The following MTSS1 variants were observed in gnomAD, a reference collection of about 807,000 sequenced individuals.
MTSS1 encodes MTSS I-BAR domain containing 1.
In MTSS1, 18 loss-of-function variants were observed where a neutral mutation model predicts 79.0. The observed-to-expected ratio is 0.23, with a 90% CI of 0.16 to 0.34. The LOEUF is 0.34. MTSS1 is among the 10% of genes least tolerant of loss of function. The pLI is 1.00. For synonymous variants in MTSS1, 341 were observed against 368.6 expected, an observed-to-expected ratio of 0.93 and a Z score of 0.86; for missense variants, 815 against 986.2, an observed-to-expected ratio of 0.83 and a Z score of 2.33.
rs1563809303 is a variant in MTSS1, at chr8:124,589,730, G to A, written c.294-19C>T. 2.0e-6 allele frequency: 3 copies of A among 1,489,158 alleles called. No individual in the cohort carries two copies. Among genetic ancestry groups the A allele is most frequent in the Admixed American group, 1.8e-5 (1 of 55,890 alleles). 92.2% of individuals were successfully genotyped at this position (1,489,158 alleles called of 1,614,324 possible). On this transcript the variant is annotated intron_variant, in intron 4 of 13. Transcript: ENST00000518547. The stretch of plus-strand genomic sequence containing the variant: ...TAAAGCGCTTTTACCAAGCGGGGGG[G>A]AAAAAGGGAGAAATTAAATAGATAC...
intron 3 of MTSS1, among the ~76,000 whole-genome samples, chr8:124,628,488 C>T (rs923893244): frequency 1.3e-5 from 2 of 152,064 alleles, no homozygotes; most frequent in African/African-American, 4.8e-5. Flanking sequence ...TCTTCTGCTC[C>T]CCACGGCTCA....
At chr8:124,628,693 T>C (rs914783482) in intron 3 of MTSS1, among the ~76,000 whole-genome samples, 3 of 152,226 alleles carry the variant, frequency 2.0e-5, no homozygotes, top group African/African-American at 7.2e-5. Flanking sequence ...AATAATAAGT[T>C]GCATGGATTA....
chr8:124,629,575 C>T (rs1266834541), intron 3 of MTSS1, among the ~76,000 whole-genome samples: 5 of 151,142 alleles, frequency 3.3e-5, no homozygotes, highest in African/African-American at 7.3e-5. Context: ...TTAGCTATAG[C>T]GGTACCTAAC....
At chr8:124,556,450 C>A in intron 11 of MTSS1, 45 bp from the exon 12 acceptor site, 3 of 1,559,308 alleles carry the variant, frequency 1.9e-6, no homozygotes, top group Non-Finnish European at 2.6e-6. Context: ...TCTGCCTCCA[C>A]TGGAGGGCTG....
intron 6 of MTSS1, chr8:124,580,631 C>A: frequency 1.3e-6 from 2 of 1,503,946 alleles, no homozygotes; most frequent in South Asian, 2.4e-5. Flanking sequence ...ATAATAAAGT[C>A]AAACTGGTAT....
At chr8:124,714,751 G>A (rs920391632) in intron 1 of MTSS1, among the ~76,000 whole-genome samples, 8 of 152,134 alleles carry the variant, frequency 5.3e-5, no homozygotes, top group Non-Finnish European at 1.0e-4. Context: ...ACAGGCATGA[G>A]CCACCACTCC....
chr8:124,707,420 C>CAAACAAAA (rs1830543169), intron 1 of MTSS1, among the ~76,000 whole-genome samples: 2 of 137,262 alleles, frequency 1.5e-5, no homozygotes, highest in Non-Finnish European at 1.6e-5. Flanking sequence ...AACAAACAAA[C>CAAACAAAA]AAAAAAAAAA....
At chr8:124,665,937 T>G (rs937235615) in intron 3 of MTSS1, among the ~76,000 whole-genome samples, 6 of 152,046 alleles carry the variant, frequency 3.9e-5, no homozygotes, top group African/African-American at 1.5e-4. Context: ...CTACTGCTGA[T>G]GAGTCTCACG....
At chr8:124,573,974 G>A (rs1260394884) in intron 6 of MTSS1, among the ~76,000 whole-genome samples, 1 of 152,178 alleles carries the variant, frequency 6.6e-6, no homozygotes, top group African/African-American at 2.4e-5. Flanking sequence ...CATGGGCCAA[G>A]GCAGCACCCC....
intron 3 of MTSS1, among the ~76,000 whole-genome samples, chr8:124,625,370 C>T (rs979806891): frequency 6.6e-6 from 1 of 152,182 alleles, no homozygotes; most frequent in Admixed American, 6.5e-5. Context: ...TGGCAAGCAG[C>T]TGAATCCTTC....
In MTSS1 at chr8:124,553,676, A is replaced by G. The variant is rs776504530; in HGVS notation, c.1584T>C (p.Tyr528=). The G allele has an allele frequency of 1.9e-6, 3 of 1,610,322 alleles. No individual in the cohort carries two copies. Among genetic ancestry groups the G allele is most frequent in the South Asian group, 1.1e-5 (1 of 90,700 alleles). The change falls in exon 14 of 14, where the codon TAT becomes TAC. Residue 528 remains tyrosine, a synonymous_variant. Transcript: ENST00000518547. The surrounding 1 kb of genome is among the most constrained non-coding windows in gnomAD (Gnocchi z 6.0). ...TIPSQVSDYD[Y]FSVSGDQEAD... ...CCTCCTGGTCACCACTTACAGAGAAATAATCATAATCTGAAACTGATTATA... is the reference window on the plus strand; with the variant it reads ...CCTCCTGGTCACCACTTACAGAGAAGTAATCATAATCTGAAACTGATTATA...
intron 3 of MTSS1, among the ~76,000 whole-genome samples, chr8:124,680,908 C>T (rs1162235729): frequency 6.6e-6 from 1 of 152,124 alleles, no homozygotes; most frequent in Admixed American, 6.5e-5. Context: ...GAGGATGGTT[C>T]GGCAAGGTCA....
At chr8:124,555,254 AT>A (rs1323172167) in intron 13 of MTSS1, among the ~76,000 whole-genome samples, 1 of 150,884 alleles carries the variant, frequency 6.6e-6, no homozygotes, top group Non-Finnish European at 1.5e-5. Flanking sequence ...ATTTATTATT[AT>A]TTTTTTTTGA....
At chr8:124,615,369 C>A (rs945361259) in intron 3 of MTSS1, among the ~76,000 whole-genome samples, 2 of 152,090 alleles carry the variant, frequency 1.3e-5, no homozygotes, top group African/African-American at 4.8e-5. Flanking sequence ...CATATACATA[C>A]AATGGATTAT....
chr8:124,591,196 C>G lies in MTSS1; in HGVS notation c.248G>C (p.Cys83Ser). ...REIGSALTRM[C>S]MRHRSIEAKL... ...GGCTTCAATGCTTCTGTGCCTCATGCACATCCTGGTGAGAGCAGATCCAAT... is the reference window on the plus strand; with the variant it reads ...GGCTTCAATGCTTCTGTGCCTCATGGACATCCTGGTGAGAGCAGATCCAAT... The change falls in exon 4 of 14, where the codon TGC becomes TCC. Residue 83 changes from cysteine (C) to serine (S), a missense_variant. Around this residue, in one of 2 missense-constraint regions of MTSS1, gnomAD observed 225 missense variants for 365.4 expected, o/e 0.62. Coordinates refer to ENST00000518547, the MANE Select transcript of MTSS1 (RefSeq NM_014751.6). 6 of 1,614,224 alleles carry G rather than the reference C, an allele frequency of 3.7e-6. No individual in the cohort carries two copies. Among genetic ancestry groups the G allele is most frequent in the Non-Finnish European group, 5.1e-6 (6 of 1,180,028 alleles).
At chr8:124,699,443 G>T in intron 3 of MTSS1, 83 bp downstream of exon 3, 1 of 1,243,690 alleles carries the variant, frequency 8.0e-7, no homozygotes, top group Non-Finnish European at 1.2e-6. Context: ...AACTTAAGCT[G>T]CATCTTCTTG....
chr8:124,595,485 T>A (rs1228601018), intron 3 of MTSS1, among the ~76,000 whole-genome samples: 1 of 152,188 alleles, frequency 6.6e-6, no homozygotes, highest in Non-Finnish European at 1.5e-5. Context: ...TCGTGGCCCC[T>A]TTGTCCATCT....
rs11991455 is a variant in MTSS1, at chr8:124,613,204, C to A, written c.209-21969G>T. On this transcript the variant is annotated intron_variant, in intron 3 of 13. Transcript: ENST00000518547. ...GATTCAGGGTTCTGGAGCTGGATAT[C>A]CCTGGTCACTGTTCCAGCTCTCCCT... is the stretch of plus-strand genomic sequence containing the variant. Among the ~76,000 whole-genome samples, 1,519 of 152,258 alleles carry A rather than the reference C, an allele frequency of 1.0e-2. 32 individuals carry two copies. Among genetic ancestry groups the A allele is most frequent in the African/African-American group, 0.035 (1,452 of 41,524 alleles).
chr8:124,583,295 G>A (rs1830350475), intron 6 of MTSS1, among the ~76,000 whole-genome samples: 1 of 152,164 alleles, frequency 6.6e-6, no homozygotes. Flanking sequence ...CCCAGGGCCA[G>A]ATGCCTCTCT....
Sources: gnomAD v4.1 joint callset for allele counts (sites outside exome capture counted in the v4.1 genomes callset) on GRCh38, gnomAD v4.1.1 for gene constraint, gnomAD v4.1.1 regional missense constraint, Gnocchi (gnomAD v3.1) non-coding constraint, MANE v1.5 for transcripts, NCBI Gene and HGNC (gene_info 2026-07-23, HGNC 2026-07-21) for gene names.